Variants in DENND1C observed in about 807,000 individuals in gnomAD.
The protein encoded by DENND1C is DENN domain containing 1C.
A neutral mutation model predicts 87.9 loss-of-function variants in DENND1C; 64 were observed. The observed-to-expected ratio is 0.73, with a 90% CI of 0.60 to 0.90. The LOEUF (loss-of-function observed/expected upper bound fraction) is 0.90. DENND1C is among the 40% of genes least tolerant of loss of function. DENND1C has a pLI of 0.00. For missense variants in DENND1C, 980 were observed against 1,037.0 expected, an observed-to-expected ratio of 0.95 and a Z score of 0.76; for synonymous variants, 384 against 424.4, an observed-to-expected ratio of 0.90 and a Z score of 1.17.
rs980548459 is a variant in DENND1C at position 6,479,141 on chromosome 19, C to G, written c.177-85G>C. The stretch of plus-strand genomic sequence containing the variant: ...GCTCCCCAACAAAGCTCCTAGGACC[C>G]TGAGTGTATGGGTCTCTAGTTGTCA... On this transcript the variant is annotated intron_variant, in intron 4 of 22. Coordinates refer to ENST00000381480, the MANE Select transcript of DENND1C (RefSeq NM_024898.4). The G allele has an allele frequency of 3.2e-6, 5 of 1,569,664 alleles. No homozygotes were observed. In the African/African-American group the frequency reaches 6.8e-5, roughly 21 times the overall value.
intron 4 of DENND1C, 107 bp downstream of exon 4, chr19:6,479,562 C>A: frequency 7.1e-7 from 1 of 1,413,172 alleles, no homozygotes; most frequent in Non-Finnish European, 1.0e-6. Flanking sequence ...GTCTCAGGGT[C>A]CTCGAGTGTA....
chr19:6,475,711 C>G lies in DENND1C; in HGVS notation c.820G>C (p.Ala274Pro). ...CTGGGTAGATCCACGCTCACCTCGG[C>G]GAGACTGGCGTGCACTCCAATGAGG... The part of the protein sequence containing the change: ...PYLIGVHASL[A>P]ERVREKALED... Residue 274 changes from alanine (A) to proline (P), a missense_variant, in exon 12 of 23, where the codon GCC becomes CCC. Physicochemically the swap from Ala to Pro is conservative, Grantham distance 27. Coordinates refer to ENST00000381480, the MANE Select transcript of DENND1C (RefSeq NM_024898.4). The G allele has an allele frequency of 6.3e-7, 1 of 1,587,726 alleles. No homozygotes were observed. Among genetic ancestry groups the G allele is most frequent in the Non-Finnish European group, 8.6e-7 (1 of 1,166,468 alleles).
At chr19:6,469,347 T>A (rs2092815232) in intron 19 of DENND1C, 2 of 513,378 alleles carry the variant, frequency 3.9e-6, no homozygotes, top group East Asian at 6.9e-5. Context: ...TTCTTTTTTT[T>A]GAGACAGGGT....
At chr19:6,471,617 G>C in intron 15 of DENND1C, 121 bp from the exon 16 acceptor site, 1 of 836,002 alleles carries the variant, frequency 1.2e-6, no homozygotes, top group Non-Finnish European at 1.8e-6. Flanking sequence ...CCACCCCCAA[G>C]CACCTGGGAA....
intron 14 of DENND1C, among the ~76,000 whole-genome samples, chr19:6,473,813 G>C (rs574700007): frequency 2.9e-5 from 4 of 139,614 alleles, no homozygotes; most frequent in East Asian, 2.5e-4. Context: ...GCGGGGGGGT[G>C]GGGGGAGGGA....
chr19:6,471,297 G>T lies in DENND1C; in HGVS notation c.1258C>A (p.Arg420=), dbSNP rs745988211. Reference sequence around the variant, plus strand: ...TTGTCGGCCCAGAGCTGATAGGATCGAAGGGCCCCTGGGGTAAGGAGAGAG... The same window carrying T: ...TTGTCGGCCCAGAGCTGATAGGATCTAAGGGCCCCTGGGGTAAGGAGAGAG... ...TGCGASSGAL[R]SYQLWADNLK... The change falls in exon 17 of 23, where the codon CGA becomes AGA. Residue 420 remains arginine, a synonymous_variant. Transcript: ENST00000381480. The T allele has an allele frequency of 6.3e-7, 1 of 1,598,570 alleles. No individual in the cohort carries two copies. The highest frequency in any genetic ancestry group is 1.7e-5 in the Admixed American group (1 of 57,208).
chr19:6,477,482 G>A lies in DENND1C; in HGVS notation c.367-24C>T, dbSNP rs748295167. The A allele has an allele frequency of 5.6e-6, 9 of 1,606,858 alleles. No homozygotes were observed. In the South Asian group the frequency reaches 6.7e-5, roughly 12 times the overall value. ...ACCTGGGTGGGACGTGGAGGGGCGG[G>A]GGTGGCTGAGCCAGATGTGGGGATT... On this transcript the variant is annotated intron_variant, in intron 6 of 22. Coordinates refer to ENST00000381480, the MANE Select transcript of DENND1C (RefSeq NM_024898.4).
chr19:6,481,610 C>G (rs1913571638), intron 1 of DENND1C, 69 bp downstream of exon 1: 1 of 1,605,030 alleles, frequency 6.2e-7, no homozygotes, highest in East Asian at 2.3e-5. Context: ...GCCCCAGCTC[C>G]CCTCTGCCCC....
chr19:6,480,102 G>T (rs1280530283), intron 1 of DENND1C, 51 bp from the exon 2 acceptor site: 1 of 1,569,176 alleles, frequency 6.4e-7, no homozygotes, highest in Non-Finnish European at 8.6e-7. Flanking sequence ...ATGTGTGGTT[G>T]TGTCTGCCAC....
intron 14 of DENND1C, 117 bp from the exon 15 acceptor site, chr19:6,473,110 G>T: frequency 3.0e-6 from 2 of 667,874 alleles, no homozygotes; most frequent in South Asian, 2.8e-5. Context: ...GATCCTGTGT[G>T]GGGCCTCATG....
chr19:6,471,555 C>T (rs1344526143), intron 15 of DENND1C, 59 bp from the exon 16 acceptor site: 12 of 1,444,226 alleles, frequency 8.3e-6, no homozygotes, highest in Admixed American at 4.9e-5. Flanking sequence ...GCCAGCACTT[C>T]GAAGCCTGCC....
chr19:6,475,926 G>T lies in DENND1C; in HGVS notation c.690C>A (p.Cys230Ter). 1 of 1,565,018 alleles carries T rather than the reference G, an allele frequency of 6.4e-7. No homozygotes were observed. Among genetic ancestry groups the T allele is most frequent in the Non-Finnish European group, 8.6e-7 (1 of 1,164,472 alleles). The part of the protein sequence containing the change: ...TASKLSTLTS[C>*]VHASCALLYP... ...ACAGGAGCGCGCAGGACGCGTGGACGCACGAGGTCAGCTGGGGAGCGATGG... is the reference window on the plus strand; with the variant it reads ...ACAGGAGCGCGCAGGACGCGTGGACTCACGAGGTCAGCTGGGGAGCGATGG... The change falls in exon 11 of 23, where the codon TGC becomes TGA. Residue 230 changes from cysteine (C) to a stop codon, truncating the protein, a stop_gained. Transcript: ENST00000381480. LOFTEE classifies it high-confidence loss of function.
At position 6,477,562 on chromosome 19, in the gene DENND1C, C is replaced by T. The variant is rs1310639921; in HGVS notation, c.367-104G>A. On this transcript the variant is annotated intron_variant, in intron 6 of 22. Coordinates refer to ENST00000381480, the MANE Select transcript of DENND1C (RefSeq NM_024898.4). ...AGTGGTCTGGGAGGAGCCAAGGGCT[C>T]AGGTCAGTCCTGGGAGTTTTTTTTT... 6.4e-6 allele frequency: 5 copies of T among 784,488 alleles called. No homozygotes were observed. The African/African-American group carries it at 9.2e-5, about 14-fold the overall frequency. 48.6% of individuals were successfully genotyped at this position (784,488 alleles called of 1,614,324 possible). A position where few individuals can be genotyped will look rare whatever the true frequency, so the allele number is the denominator to read the frequency against.
At chr19:6,478,006 C>T (rs2092873245) in intron 6 of DENND1C, among the ~76,000 whole-genome samples, 1 of 151,762 alleles carries the variant, frequency 6.6e-6, no homozygotes, top group Non-Finnish European at 1.5e-5. Flanking sequence ...ACCCGGAATG[C>T]GGAGGTTGCA....
intron 6 of DENND1C, 120 bp from the exon 7 acceptor site, chr19:6,477,578 GT>G (rs376685830): frequency 4.5e-3 from 1,590 of 351,120 alleles, no homozygotes; most frequent in Middle Eastern, 6.2e-3. Context: ...AGTCCTGGGA[GT>G]TTTTTTTTTT....
chr19:6,475,176 C>G, intron 14 of DENND1C, 98 bp downstream of exon 14: 1 of 1,569,928 alleles, frequency 6.4e-7, no homozygotes, highest in Non-Finnish European at 8.6e-7. Context: ...GGATTACAGG[C>G]GTGAGCCACT....
intron 15 of DENND1C, 82 bp from the exon 16 acceptor site, chr19:6,471,578 G>A: frequency 7.5e-7 from 1 of 1,329,268 alleles, no homozygotes; most frequent in East Asian, 2.5e-5. Context: ...CTGTCAAGAT[G>A]TAGAAGCCAT....
Position 6,479,858 on chromosome 19 carries a change from C to A in DENND1C, c.126+1G>T. ...GGGGAGCAAGGAGCCAGCCTGAATA[C>A]CTGGTCCCTGAAGTCTGGAGGGAAC... On this transcript the variant is annotated splice_donor_variant, in intron 3 of 22. Coordinates refer to ENST00000381480, the MANE Select transcript of DENND1C (RefSeq NM_024898.4). LOFTEE classifies it high-confidence loss of function. 1 of 1,611,240 alleles carries A rather than the reference C, an allele frequency of 6.2e-7. No individual in the cohort carries two copies. The highest frequency in any genetic ancestry group is 8.5e-7 in the Non-Finnish European group (1 of 1,178,708).
In DENND1C at chr19:6,473,194, C is replaced by T. The variant is rs140306832; in HGVS notation, c.1054-201G>A. ...TTTTTGAGACGGAGTCTCGCTCTGT[C>T]GCCAGGCTGGAATGCAGTGGCGTGA... On this transcript the variant is annotated intron_variant, in intron 14 of 22. Transcript: ENST00000381480. Among the ~76,000 whole-genome samples, 432 of 152,252 alleles carry T rather than the reference C, an allele frequency of 2.8e-3. 3 individuals carry two copies. Among genetic ancestry groups the T allele is most frequent in the African/African-American group, 9.2e-3 (382 of 41,540 alleles).
Sources: allele counts gnomAD v4.1 joint callset (sites outside exome capture counted in the v4.1 genomes callset), GRCh38; gene constraint gnomAD v4.1.1; transcripts MANE v1.5; gene names NCBI Gene and HGNC (gene_info 2026-07-23, HGNC 2026-07-21).